The following INTU variants were observed in gnomAD, a reference collection of about 807,000 sequenced individuals.
INTU encodes inturned planar cell polarity protein, also known as protein inturned.
INTU carries 68 observed loss-of-function variants against 100.5 expected under a neutral mutation model. The ratio of observed to expected loss-of-function variants is 0.68; its 90% confidence interval spans 0.56 to 0.83. INTU has a LOEUF of 0.83. Among genes scored for constraint, INTU ranks in the 40% least tolerant of loss-of-function variants. The pLI is 0.00. For missense variants in INTU, 1,071 were observed against 1,114.7 expected (o/e 0.96, Z 0.56); for synonymous variants, 357 against 395.7 (o/e 0.90, Z 1.16).
intron 8 of INTU, among the ~76,000 whole-genome samples, chr4:127,693,640 T>G (rs1012363785): frequency 3.3e-5 from 5 of 152,164 alleles, no homozygotes; most frequent in Admixed American, 3.3e-4. Flanking sequence ...TGGGCATCCT[T>G]GTCTTGTTCC....
intron 2 of INTU, among the ~76,000 whole-genome samples, chr4:127,649,701 C>A (rs1727750668): frequency 6.6e-6 from 1 of 152,038 alleles, no homozygotes. Context: ...TGTTTATTAT[C>A]CATCTTCCCC....
chr4:127,708,942 T>C (rs1235929255), intron 13 of INTU, among the ~76,000 whole-genome samples: 1 of 152,234 alleles, frequency 6.6e-6, no homozygotes, highest in Non-Finnish European at 1.5e-5. Context: ...GTATATTTAA[T>C]ATAATTTTTA....
intron 4 of INTU, among the ~76,000 whole-genome samples, chr4:127,664,664 A>G (rs780425001): frequency 6.6e-5 from 10 of 151,960 alleles, no homozygotes; most frequent in Non-Finnish European, 1.2e-4. Flanking sequence ...TTTAACATTA[A>G]TGTTTTAAAA....
intron 1 of INTU, among the ~76,000 whole-genome samples, chr4:127,641,200 G>A (rs1413065122): frequency 6.6e-6 from 1 of 152,018 alleles, no homozygotes. Context: ...ATCCACCAAC[G>A]ATTTACTTGC....
chr4:127,694,270 A>T (rs1730285342), intron 8 of INTU, among the ~76,000 whole-genome samples: 1 of 150,774 alleles, frequency 6.6e-6, no homozygotes. Context: ...CTGTTCAGAG[A>T]TCCTATATCT....
chr4:127,688,683 T>G (rs932929191), intron 8 of INTU, among the ~76,000 whole-genome samples: 3 of 152,208 alleles, frequency 2.0e-5, no homozygotes, highest in Non-Finnish European at 4.4e-5. Context: ...TTTGCTCAGT[T>G]TCCTCATCTG....
Position 127,704,220 on chromosome 4 carries a change from TCC to T in INTU, c.1504-4_1504-3del. ...AAATATAAAATCCACTATGAATTTTTCCCCCAGTCCGAGGATTACTATGACAT... is the reference window on the plus strand; with the variant it reads ...AAATATAAAATCCACTATGAATTTTTCCCAGTCCGAGGATTACTATGACAT... On this transcript the variant is annotated splice_region_variant and splice_polypyrimidine_tract_variant and intron_variant, in intron 9 of 15. Transcript: ENST00000335251. The T allele has an allele frequency of 6.2e-7, 1 of 1,601,420 alleles. No homozygotes were observed. Among genetic ancestry groups the T allele is most frequent in the Non-Finnish European group, 8.5e-7 (1 of 1,173,374 alleles).
In INTU at chr4:127,684,548, A is replaced by G. The variant is rs371999067; in HGVS notation, c.1259+62A>G. The G allele has an allele frequency of 1.0e-4, 93 of 932,766 alleles. No individual in the cohort carries two copies. The East Asian group carries it at 2.0e-3, about 20-fold the overall frequency. 57.8% of individuals were successfully genotyped at this position (932,766 alleles called of 1,614,324 possible). On this transcript the variant is annotated intron_variant, in intron 7 of 15. Coordinates refer to ENST00000335251, the MANE Select transcript of INTU (RefSeq NM_015693.4). ...TATGTGATTCTAAGTCATCTTCTGC[A>G]TTTAAGACCATTTCTTGCTTGACAG...
chr4:127,656,853 A>G, intron 3 of INTU, 132 bp downstream of exon 3: 1 of 459,898 alleles, frequency 2.2e-6, no homozygotes. Context: ...ATACTTGCCT[A>G]TTTAAGAAAA....
At chr4:127,641,905 T>C (rs1040398381) in intron 1 of INTU, among the ~76,000 whole-genome samples, 4 of 152,286 alleles carry the variant, frequency 2.6e-5, no homozygotes, top group Admixed American at 2.0e-4. Context: ...CATCTTCATA[T>C]TTAGTAAGTG....
intron 7 of INTU, chr4:127,687,382 A>G (rs1172999138): frequency 5.8e-6 from 1 of 172,322 alleles, no homozygotes; most frequent in African/African-American, 2.4e-5. Context: ...ATTTTTTACA[A>G]AAAGGGTACT....
intron 1 of INTU, among the ~76,000 whole-genome samples, chr4:127,640,592 C>T (rs201959752): frequency 0.099 from 7,002 of 70,448 alleles, 1,174 homozygotes; most frequent in African/African-American, 0.36. Flanking sequence ...TATATATATA[C>T]ATATACATAA....
intron 9 of INTU, among the ~76,000 whole-genome samples, chr4:127,701,564 TATAC>T (rs1730650667): frequency 6.6e-6 from 1 of 152,200 alleles, no homozygotes; most frequent in Non-Finnish European, 1.5e-5. Context: ...CCTTCTGTTT[TATAC>T]ATACATTCTG....
In INTU at chr4:127,633,196, A is replaced by G. The variant is rs370905905; in HGVS notation, c.146+16A>G. 2 of 1,610,842 alleles carry G rather than the reference A, an allele frequency of 1.2e-6. No homozygotes were observed. Among genetic ancestry groups the G allele is most frequent in the South Asian group, 2.2e-5 (2 of 90,934 alleles). Reference sequence around the variant, plus strand: ...GCGATTATGAGTAAGGTTTTCAAAGAGGGACAATTAATCCCATCCCATCAA... The same window carrying G: ...GCGATTATGAGTAAGGTTTTCAAAGGGGGACAATTAATCCCATCCCATCAA... On this transcript the variant is annotated intron_variant, in intron 1 of 15. Coordinates refer to ENST00000335251, the MANE Select transcript of INTU (RefSeq NM_015693.4).
intron 6 of INTU, among the ~76,000 whole-genome samples, chr4:127,682,595 T>G (rs1578595984): frequency 1.3e-5 from 1 of 78,326 alleles, no homozygotes; most frequent in African/African-American, 5.3e-5. Flanking sequence ...GGGACTTTTG[T>G]GGGGTGGGGG....
intron 8 of INTU, among the ~76,000 whole-genome samples, chr4:127,691,382 A>G (rs1488119992): frequency 1.3e-5 from 2 of 152,160 alleles, no homozygotes; most frequent in Non-Finnish European, 2.9e-5. Flanking sequence ...CCTACCAGCA[A>G]TGAATGAGAG....
At position 127,725,455 on chromosome 4, in the gene INTU, A is replaced by C. The variant is rs940542605; in HGVS notation, c.*9019A>C. On this transcript the variant is annotated 3_prime_UTR_variant, in exon 16 of 16. Coordinates refer to ENST00000335251, the MANE Select transcript of INTU (RefSeq NM_015693.4). The stretch of plus-strand genomic sequence containing the variant: ...GTTAAAACAATTTATTAAATGTCTT[A>C]AATTTCTGGATATGTCCCTGAAAAT... 3.3e-5 allele frequency: 5 copies of C among 152,228 alleles called. No individual in the cohort carries two copies. Among genetic ancestry groups the C allele is most frequent in the African/African-American group, 7.2e-5 (3 of 41,456 alleles). 9.4% of individuals were successfully genotyped at this position (152,228 alleles called of 1,614,324 possible).
chr4:127,699,988 T>C, intron 8 of INTU, 22 bp from the exon 9 acceptor site: 1 of 1,533,478 alleles, frequency 6.5e-7, no homozygotes, highest in South Asian at 1.3e-5. Context: ...TTTATGTTAC[T>C]CTTTTTTTTT....
chr4:127,657,541 C>T lies in INTU; in HGVS notation c.768+820C>T, dbSNP rs1018763021. ...CAGCAGGAAGTGAGCAGTGGGCAAGCGAGCAAAGCTTCATCTGTATTTACA... is the reference window on the plus strand; with the variant it reads ...CAGCAGGAAGTGAGCAGTGGGCAAGTGAGCAAAGCTTCATCTGTATTTACA... On this transcript the variant is annotated intron_variant, in intron 3 of 15. Coordinates refer to ENST00000335251, the MANE Select transcript of INTU (RefSeq NM_015693.4). 6.8e-4 allele frequency among the ~76,000 whole-genome samples: 103 copies of T among 151,984 alleles called. 5 individuals carry two copies. Among genetic ancestry groups the T allele is most frequent in the Non-Finnish European group, 8.8e-5 (6 of 67,984 alleles).
Sources: gnomAD v4.1 joint callset for allele counts (sites outside exome capture counted in the v4.1 genomes callset) on GRCh38, gnomAD v4.1.1 for gene constraint, MANE v1.5 for transcripts, NCBI Gene and HGNC (gene_info 2026-07-23, HGNC 2026-07-21) for gene names.